Variants in C1QTNF7 observed in about 807,000 individuals in gnomAD.
C1QTNF7 encodes complement C1q tumor necrosis factor-related protein 7.
A neutral mutation model predicts 19.6 loss-of-function variants in C1QTNF7; 15 were observed. The observed-to-expected ratio is 0.76, with a 90% CI of 0.51 to 1.18. The LOEUF is 1.18. Among genes scored for constraint, C1QTNF7 ranks in the 50% most tolerant of loss-of-function variants. The probability of loss-of-function intolerance (pLI) is 0.00; values close to 1 mark genes in which losing one functional copy is unlikely to be tolerated. For missense variants in C1QTNF7, 324 were observed against 359.7 expected, an observed-to-expected ratio of 0.90 and a Z score of 0.80; for synonymous variants, 142 against 137.5, an observed-to-expected ratio of 1.03 and a Z score of -0.23.
chr4:15,431,739 T>C (rs1317896787), intron 1 of C1QTNF7, among the ~76,000 whole-genome samples: 3 of 152,208 alleles, frequency 2.0e-5, no homozygotes, highest in African/African-American at 7.2e-5. Context: ...GCCATGTTTT[T>C]TGGGTTAAGC....
At chr4:15,348,542 G>A in intron 1 of C1QTNF7, among the ~76,000 whole-genome samples, 1 of 152,106 alleles carries the variant, frequency 6.6e-6, no homozygotes, top group East Asian at 1.9e-4. Context: ...CCATCTGCAG[G>A]ACCAAGCAGG....
chr4:15,367,425 TTCA>T (rs1241560567), intron 1 of C1QTNF7, among the ~76,000 whole-genome samples: 1 of 152,222 alleles, frequency 6.6e-6, no homozygotes, highest in African/African-American at 2.4e-5. Context: ...TTATACAATT[TTCA>T]TCATTACCCA....
chr4:15,415,620 C>CATATATATATATATATATATATAT (rs35377968), intron 1 of C1QTNF7, among the ~76,000 whole-genome samples: 2 of 146,860 alleles, frequency 1.4e-5, no homozygotes, highest in African/African-American at 5.0e-5. Context: ...TTATTTGATG[C>CATATATATATATATATATATATAT]ATATATATAT....
intron 1 of C1QTNF7, among the ~76,000 whole-genome samples, chr4:15,404,002 T>C (rs1719091732): frequency 6.6e-6 from 1 of 152,208 alleles, no homozygotes; most frequent in South Asian, 2.1e-4. Context: ...TATACAAATA[T>C]ATCATGTACT....
intron 1 of C1QTNF7, among the ~76,000 whole-genome samples, chr4:15,405,059 A>G (rs1226580212): frequency 6.6e-6 from 1 of 152,164 alleles, no homozygotes; most frequent in East Asian, 1.9e-4. Flanking sequence ...GTTGCATGCA[A>G]CAGAAAATAC....
chr4:15,401,965 A>T (rs956843834), intron 1 of C1QTNF7, among the ~76,000 whole-genome samples: 1 of 152,338 alleles, frequency 6.6e-6, no homozygotes, highest in African/African-American at 2.4e-5. Flanking sequence ...TTGAACAGAA[A>T]AAAAGGAACA....
intron 1 of C1QTNF7, among the ~76,000 whole-genome samples, chr4:15,398,681 G>C (rs1160162322): frequency 2.6e-5 from 4 of 152,198 alleles, no homozygotes; most frequent in African/African-American, 9.7e-5. Flanking sequence ...TGTAGGGTCT[G>C]CAGCAACCTC....
intron 1 of C1QTNF7, among the ~76,000 whole-genome samples, chr4:15,396,864 CAG>C (rs1013113695): frequency 6.6e-6 from 1 of 152,122 alleles, no homozygotes; most frequent in Non-Finnish European, 1.5e-5. Context: ...ACAGGCAACT[CAG>C]GGGGTGGCTG....
chr4:15,352,839 C>T (rs1163344979), intron 1 of C1QTNF7, among the ~76,000 whole-genome samples: 1 of 152,176 alleles, frequency 6.6e-6, no homozygotes, highest in East Asian at 1.9e-4. Flanking sequence ...TCATCTCACA[C>T]ACGCCAGCTC....
chr4:15,349,061 G>A (rs1162373756), intron 1 of C1QTNF7, among the ~76,000 whole-genome samples: 1 of 152,178 alleles, frequency 6.6e-6, no homozygotes, highest in Non-Finnish European at 1.5e-5. Flanking sequence ...TCGGTTAGAA[G>A]TGACACATAC....
chr4:15,345,718 G>T (rs1213594758), intron 1 of C1QTNF7, among the ~76,000 whole-genome samples: 2 of 152,172 alleles, frequency 1.3e-5, no homozygotes, highest in Non-Finnish European at 2.9e-5. Flanking sequence ...CAGCAAAATA[G>T]GTGGCCAACA....
At chr4:15,393,886 C>G (rs548209781) in intron 1 of C1QTNF7, among the ~76,000 whole-genome samples, 12 of 152,198 alleles carry the variant, frequency 7.9e-5, no homozygotes, top group Non-Finnish European at 1.8e-4. Flanking sequence ...TGTTCCCACA[C>G]AAGCCTTCCT....
chr4:15,442,775 C>T lies in C1QTNF7; in HGVS notation c.846C>T (p.Ser282=). 1 of 1,610,060 alleles carries T rather than the reference C, an allele frequency of 6.2e-7. No homozygotes were observed. The highest frequency in any genetic ancestry group is 1.1e-5 in the South Asian group (1 of 90,514). ...ACGTTGACACAGATTACCTAGATTCCATATCAGAAGATGATGAATTGTGAT... is the reference window on the plus strand; with the variant it reads ...ACGTTGACACAGATTACCTAGATTCTATATCAGAAGATGATGAATTGTGAT... ...LLYVDTDYLD[S]ISEDDEL Residue 282 remains serine (S), a synonymous_variant, in exon 3 of 3, where the codon TCC becomes TCT. Coordinates refer to ENST00000444304, the MANE Select transcript of C1QTNF7 (RefSeq NM_031911.5).
intron 1 of C1QTNF7, among the ~76,000 whole-genome samples, chr4:15,406,960 ATG>A (rs1719214559): frequency 6.6e-6 from 1 of 151,946 alleles, no homozygotes; most frequent in Non-Finnish European, 1.5e-5. Context: ...TAATTTTTCT[ATG>A]ATTAACATGT....
chr4:15,378,177 G>A (rs192940666), intron 1 of C1QTNF7, among the ~76,000 whole-genome samples: 1 of 152,270 alleles, frequency 6.6e-6, no homozygotes, highest in African/African-American at 2.4e-5. Context: ...ATTAAGGGAG[G>A]GGCATTTAGC....
At chr4:15,375,240 G>C (rs998613920) in intron 1 of C1QTNF7, among the ~76,000 whole-genome samples, 12 of 152,124 alleles carry the variant, frequency 7.9e-5, no homozygotes, top group Non-Finnish European at 1.8e-4. Context: ...GCATTAAAGT[G>C]AATATTGTTC....
At chr4:15,408,885 C>A (rs868750294) in intron 1 of C1QTNF7, among the ~76,000 whole-genome samples, 5 of 152,102 alleles carry the variant, frequency 3.3e-5, no homozygotes, top group Admixed American at 1.3e-4. Flanking sequence ...AGCCCTAACC[C>A]CAGCCAGTAC....
chr4:15,340,365 C>T (rs547305493), intron 1 of C1QTNF7, among the ~76,000 whole-genome samples: 2 of 152,200 alleles, frequency 1.3e-5, no homozygotes, highest in South Asian at 2.1e-4. Context: ...AGAAAACCTC[C>T]GCAGGAGAGC....
At chr4:15,392,499 G>A (rs1275181404) in intron 1 of C1QTNF7, among the ~76,000 whole-genome samples, 1 of 152,184 alleles carries the variant, frequency 6.6e-6, no homozygotes, top group Non-Finnish European at 1.5e-5. Context: ...AAAGACACTA[G>A]CCCTGCCTTC....
Sources: gnomAD v4.1 joint callset for allele counts (sites outside exome capture counted in the v4.1 genomes callset) on GRCh38, gnomAD v4.1.1 for gene constraint, MANE v1.5 for transcripts, NCBI Gene and HGNC (gene_info 2026-07-23, HGNC 2026-07-21) for gene names.